KLHL13: variants seen among roughly 807,000 people sequenced by gnomAD.
KLHL13 encodes the protein kelch like family member 13.
Under a neutral mutation model 37.1 loss-of-function variants are expected in KLHL13, and 10 were observed. The ratio of observed to expected loss-of-function variants is 0.27; its 90% CI spans 0.17 to 0.46. The LOEUF (loss-of-function observed/expected upper bound fraction) is 0.46. Ranked by LOEUF, KLHL13 falls within the 20% of genes least tolerant of loss-of-function variation. The pLI is 1.00. For synonymous variants in KLHL13, 163 were observed against 181.2 expected, an observed-to-expected ratio of 0.90 and a Z score of 0.81; for missense variants, 360 against 509.3, an observed-to-expected ratio of 0.71 and a Z score of 2.82.
chrX:118,090,444 A>C lies in KLHL13; in HGVS notation c.-56+26064T>G, dbSNP rs772018635. Among the ~76,000 whole-genome samples, 125 of 111,864 alleles carry C rather than the reference A, an allele frequency of 1.1e-3. 1 individual carries two copies. Among genetic ancestry groups the C allele is most frequent in the African/African-American group, 3.9e-3 (121 of 30,800 alleles). ...AATTTCCAAGAAAAAACAAACAAAC[A>C]ACCCCATCAAAAAGTGGGTGAAGGA... On this transcript the variant is annotated intron_variant, in intron 1 of 6. Coordinates refer to the KLHL13 transcript ENST00000371882.
chrX:118,042,312 C>T (rs985581317), intron 1 of KLHL13, among the ~76,000 whole-genome samples: 1 of 111,495 alleles, frequency 9.0e-6, no homozygotes, highest in African/African-American at 3.3e-5. Context: ...ACTGAAAAAT[C>T]AACTAAGAAA....
intron 1 of KLHL13, among the ~76,000 whole-genome samples, chrX:118,060,444 T>C (rs1216940886): frequency 9.0e-6 from 1 of 111,505 alleles, no homozygotes; most frequent in East Asian, 2.8e-4. Flanking sequence ...ATCTAACAAG[T>C]ATGCCATTAC....
chrX:118,046,435 C>A (rs2054560928), intron 1 of KLHL13, among the ~76,000 whole-genome samples: 1 of 111,620 alleles, frequency 9.0e-6, no homozygotes, highest in Non-Finnish European at 1.9e-5. Context: ...TTAATGAGTA[C>A]AAAACTACAG....
chrX:118,027,890 C>T (rs1281399490), intron 1 of KLHL13, among the ~76,000 whole-genome samples: 2 of 111,631 alleles, frequency 1.8e-5, no homozygotes, highest in African/African-American at 6.5e-5. Flanking sequence ...AATCAAGCTA[C>T]TGGGAATAAG....
At chrX:118,026,294 G>A (rs940824754) in intron 1 of KLHL13, among the ~76,000 whole-genome samples, 1 of 111,141 alleles carries the variant, frequency 9.0e-6, no homozygotes, top group Non-Finnish European at 1.9e-5. Flanking sequence ...TAATATGAGG[G>A]ATCTTCAAAA....
At chrX:118,106,422 A>C (rs1647846358) in intron 1 of KLHL13, among the ~76,000 whole-genome samples, 1 of 111,817 alleles carries the variant, frequency 8.9e-6, no homozygotes, top group Non-Finnish European at 1.9e-5. Flanking sequence ...ACCTAATGGT[A>C]GAGTAAGTCT....
At chrX:118,061,069 A>G (rs2054735400) in intron 1 of KLHL13, among the ~76,000 whole-genome samples, 1 of 111,826 alleles carries the variant, frequency 8.9e-6, no homozygotes, top group East Asian at 2.8e-4. Context: ...TCTAGGTTTC[A>G]GGAGGGCACA....
At chrX:118,053,813 GAGAGA>G (rs1456570381) in intron 1 of KLHL13, among the ~76,000 whole-genome samples, 1 of 39,477 alleles carries the variant, frequency 2.5e-5, no homozygotes, top group African/African-American at 9.5e-5. Context: ...GAGAGAGAGA[GAGAGA>G]GGAGAGGAGA....
At chrX:117,903,162 AGAGAGAGAGAGGAGAGC>A (rs1160383992) in intron 5 of KLHL13, among the ~76,000 whole-genome samples, 13 of 102,159 alleles carry the variant, frequency 1.3e-4, no homozygotes, top group Middle Eastern at 9.6e-3. Flanking sequence ...ACACACAGAG[AGAGAGAGAGAGGAGAGC>A]GAGAGAGAGA....
At chrX:117,910,587 C>T (rs1014477814) in intron 4 of KLHL13, among the ~76,000 whole-genome samples, 6 of 111,552 alleles carry the variant, frequency 5.4e-5, no homozygotes, top group Non-Finnish European at 1.1e-4. Flanking sequence ...TTCCCTTTCA[C>T]GTAAATAGGC....
At chrX:118,009,838 G>A (rs1313411130) in intron 1 of KLHL13, among the ~76,000 whole-genome samples, 2 of 91,166 alleles carry the variant, frequency 2.2e-5, no homozygotes, top group Non-Finnish European at 4.3e-5. Flanking sequence ...AAATTACCTT[G>A]GGCAGTATGG....
intron 1 of KLHL13, among the ~76,000 whole-genome samples, chrX:118,030,362 CTA>C (rs1392349163): frequency 9.0e-6 from 1 of 111,485 alleles, no homozygotes; most frequent in East Asian, 2.8e-4. Context: ...TATGTTTAGA[CTA>C]TACAATTATT....
intron 1 of KLHL13, among the ~76,000 whole-genome samples, chrX:117,987,081 C>G (rs1486573460): frequency 9.0e-6 from 1 of 111,482 alleles, no homozygotes; most frequent in Non-Finnish European, 1.9e-5. Flanking sequence ...CTCTAAAGTA[C>G]TATGCAACAT....
chrX:118,031,536 T>C (rs1395923417), intron 1 of KLHL13, among the ~76,000 whole-genome samples: 1 of 87,684 alleles, frequency 1.1e-5, no homozygotes, highest in Non-Finnish European at 2.1e-5. Flanking sequence ...TAGTTATATA[T>C]ATATTAGTTA....
chrX:118,060,081 T>C (rs1177962654), intron 1 of KLHL13, among the ~76,000 whole-genome samples: 3 of 111,763 alleles, frequency 2.7e-5, no homozygotes, highest in Admixed American at 9.5e-5. Flanking sequence ...AAGAGTTCAG[T>C]CTCATGGAGA....
chrX:118,022,554 A>C (rs1051092688), intron 1 of KLHL13, among the ~76,000 whole-genome samples: 1 of 111,635 alleles, frequency 9.0e-6, no homozygotes, highest in African/African-American at 3.3e-5. Context: ...GTGATATCTC[A>C]TCGTGGTTTT....
intron 1 of KLHL13, among the ~76,000 whole-genome samples, chrX:118,110,657 G>A (rs1268292332): frequency 2.7e-5 from 3 of 111,153 alleles, no homozygotes; most frequent in Admixed American, 9.6e-5. Flanking sequence ...TATTACAGGC[G>A]TGAGCCACCA....
At chrX:117,952,392 C>A (rs1476763891) in intron 1 of KLHL13, among the ~76,000 whole-genome samples, 1 of 109,432 alleles carries the variant, frequency 9.1e-6, no homozygotes, top group Non-Finnish European at 1.9e-5. Context: ...ACACCTTATA[C>A]AAAAATTAAT....
intron 2 of KLHL13, among the ~76,000 whole-genome samples, chrX:117,942,730 T>C (rs746207631): frequency 2.2e-4 from 25 of 111,480 alleles, no homozygotes; most frequent in African/African-American, 8.1e-4. Flanking sequence ...TGTCTTTGCA[T>C]GTGAGATGGG....
Sources: gnomAD v4.1 joint callset for allele counts (sites outside exome capture counted in the v4.1 genomes callset) on GRCh38, gnomAD v4.1.1 for gene constraint, MANE v1.5 for transcripts, NCBI Gene and HGNC (gene_info 2026-07-23, HGNC 2026-07-21) for gene names.